Variants in MGAT4C observed in about 807,000 individuals in gnomAD.
The protein encoded by MGAT4C is alpha-1,3-mannosyl-glycoprotein 4-beta-N-acetylglucosaminyltransferase C.
Under a neutral mutation model 40.1 loss-of-function variants are expected in MGAT4C, and 19 were observed. That is an observed-to-expected ratio of 0.47 (90% confidence interval 0.33 to 0.70). The LOEUF (loss-of-function observed/expected upper bound fraction) is 0.70, where lower values mean the gene tolerates loss of function less well. Ranked by LOEUF, MGAT4C falls within the 30% of genes least tolerant of loss-of-function variation. The pLI is 0.02. For synonymous variants in MGAT4C, 181 were observed against 187.1 expected (o/e 0.97, Z 0.27); for missense variants, 491 against 563.2 (o/e 0.87, Z 1.30).
At chr12:86,674,018 C>T (rs1964328694) in intron 2 of MGAT4C, among the ~76,000 whole-genome samples, 1 of 152,026 alleles carries the variant, frequency 6.6e-6, no homozygotes, top group South Asian at 2.1e-4. Context: ...GCCTTTATTA[C>T]ATTTAAAGAA....
intron 1 of MGAT4C, among the ~76,000 whole-genome samples, chr12:86,729,748 G>A (rs1307797324): frequency 6.6e-6 from 1 of 151,988 alleles, no homozygotes; most frequent in Non-Finnish European, 1.5e-5. Context: ...AAAAAATGTT[G>A]TACAACACTT....
chr12:86,043,292 C>A (rs1592763364), intron 2 of MGAT4C, among the ~76,000 whole-genome samples: 1 of 152,134 alleles, frequency 6.6e-6, no homozygotes, highest in African/African-American at 2.4e-5. Context: ...AGCTGAGGAG[C>A]AAGTCAGTCC....
intron 3 of MGAT4C, among the ~76,000 whole-genome samples, chr12:86,356,911 C>A (rs1267713198): frequency 6.6e-6 from 1 of 152,174 alleles, no homozygotes; most frequent in African/African-American, 2.4e-5. Context: ...CATGGCTGAA[C>A]AAAAGGCAGC....
chr12:86,661,362 G>T (rs1272070429), intron 2 of MGAT4C, among the ~76,000 whole-genome samples: 1 of 151,624 alleles, frequency 6.6e-6, no homozygotes, highest in Non-Finnish European at 1.5e-5. Flanking sequence ...TTAAAGCAAT[G>T]AGATTTAAAG....
At chr12:86,488,709 C>T (rs1474674157) in intron 2 of MGAT4C, among the ~76,000 whole-genome samples, 1 of 152,118 alleles carries the variant, frequency 6.6e-6, no homozygotes, top group Non-Finnish European at 1.5e-5. Context: ...CACAACATTG[C>T]ACCCAAGAAC....
rs1037759320 is a variant in MGAT4C at position 86,662,625 on chromosome 12, A to G, written c.-229+64584T>C. Among the ~76,000 whole-genome samples the G allele has an allele frequency of 2.6e-5, 4 of 152,282 alleles. No individual in the cohort carries two copies. The South Asian group carries it at 8.3e-4, about 32-fold the overall frequency. ...TCAGATCCTCAAACCTCTAATATGT[A>G]AATGATAACAGGCTGCAACTTGTAG... On this transcript the variant is annotated intron_variant, in intron 2 of 7. Transcript: ENST00000548651.
rs756220458 is a variant in MGAT4C, at chr12:85,980,007, A to C, written c.719T>G (p.Val240Gly). Reference sequence around the variant, plus strand: ...GTAAGTTCCTTCTAGGGATGCAATGACTTTCTTGATGGCAGTTAAGAAATT... The same window carrying C: ...GTAAGTTCCTTCTAGGGATGCAATGCCTTTCTTGATGGCAGTTAAGAAATT... The part of the protein sequence containing the change: ...SKNFLTAIKK[V>G]IASLEGTYWV... Residue 240 changes from valine (V) to glycine (G), a missense_variant, in exon 5 of 5, where the codon GTC becomes GGC. Coordinates refer to ENST00000611864, the MANE Select transcript of MGAT4C (RefSeq NM_001351288.2). 6.2e-7 allele frequency: 1 copy of C among 1,613,708 alleles called. No individual in the cohort carries two copies. The highest frequency in any genetic ancestry group is 1.1e-5 in the South Asian group (1 of 91,084).
intron 2 of MGAT4C, among the ~76,000 whole-genome samples, chr12:86,676,050 C>T (rs1456923153): frequency 6.6e-6 from 1 of 151,448 alleles, no homozygotes; most frequent in Non-Finnish European, 1.5e-5. Context: ...CAGTTGTAAC[C>T]CATATGATAG....
Position 85,956,694 on chromosome 12 carries a change from A to G in MGAT4C, c.*22595T>C, listed in dbSNP as rs1348049010. On this transcript the variant is annotated 3_prime_UTR_variant, in exon 5 of 5. Coordinates refer to ENST00000611864, the MANE Select transcript of MGAT4C (RefSeq NM_001351288.2). The stretch of plus-strand genomic sequence containing the variant: ...ACCCAAGCTACAGTGGGAAAACCAC[A>G]TAATTAGTCAATAAATCATGAGCCC... The G allele has an allele frequency of 6.6e-6, 1 of 152,224 alleles. No homozygotes were observed. The highest frequency in any genetic ancestry group is 1.5e-5 in the Non-Finnish European group (1 of 68,026). 9.4% of individuals were successfully genotyped at this position (152,224 alleles called of 1,614,324 possible).
chr12:86,715,888 A>C, intron 2 of MGAT4C, among the ~76,000 whole-genome samples: 1 of 152,170 alleles, frequency 6.6e-6, no homozygotes, highest in East Asian at 1.9e-4. Flanking sequence ...CAAATCAAGT[A>C]GTTTTGTTGT....
intron 3 of MGAT4C, among the ~76,000 whole-genome samples, chr12:86,414,746 G>A (rs1238240857): frequency 6.6e-6 from 1 of 152,090 alleles, no homozygotes; most frequent in African/African-American, 2.4e-5. Flanking sequence ...TTGTTACAGG[G>A]CTGTTTCATT....
At chr12:86,082,220 A>C (rs11117184) in intron 1 of MGAT4C, among the ~76,000 whole-genome samples, 38,656 of 152,074 alleles carry the variant, frequency 0.25, 6,212 homozygotes, top group South Asian at 0.41. Context: ...CAATGCCATT[A>C]AACAGTCTAG....
chr12:86,183,333 A>C (rs1424423756), intron 1 of MGAT4C, among the ~76,000 whole-genome samples: 1 of 152,186 alleles, frequency 6.6e-6, no homozygotes, highest in Non-Finnish European at 1.5e-5. Context: ...AGAACTGAGG[A>C]CTGGCTCTGC....
At chr12:86,694,675 AT>A (rs1485483468) in intron 2 of MGAT4C, among the ~76,000 whole-genome samples, 2 of 152,212 alleles carry the variant, frequency 1.3e-5, no homozygotes, top group Non-Finnish European at 2.9e-5. Context: ...TATCAAGGTT[AT>A]TTATACATCA....
intron 2 of MGAT4C, among the ~76,000 whole-genome samples, chr12:86,505,883 A>G (rs1286957603): frequency 6.6e-6 from 1 of 152,134 alleles, no homozygotes; most frequent in Admixed American, 6.6e-5. Flanking sequence ...AATGGCCCAA[A>G]ATAGGGCCCT....
intron 1 of MGAT4C, among the ~76,000 whole-genome samples, chr12:86,064,563 C>T (rs942707187): frequency 2.0e-5 from 3 of 152,068 alleles, no homozygotes; most frequent in African/African-American, 7.2e-5. Flanking sequence ...ACATTTAAAA[C>T]AGCATATAGA....
intron 2 of MGAT4C, among the ~76,000 whole-genome samples, chr12:86,536,810 C>A (rs1045940269): frequency 6.6e-6 from 1 of 152,132 alleles, no homozygotes; most frequent in Admixed American, 6.5e-5. Flanking sequence ...GTCAGTGTGG[C>A]GATTCCTCAG....
At position 85,966,420 on chromosome 12, in the gene MGAT4C, C is replaced by T. The variant is rs1004524590; in HGVS notation, c.*12869G>A. ...TATTTAATCAAAGTTGTCTCTTTATCATTTGCCAGTGAAAATATAAAACCT... is the reference window on the plus strand; with the variant it reads ...TATTTAATCAAAGTTGTCTCTTTATTATTTGCCAGTGAAAATATAAAACCT... On this transcript the variant is annotated 3_prime_UTR_variant, in exon 5 of 5. Transcript: ENST00000611864. The T allele has an allele frequency of 3.9e-5, 6 of 152,072 alleles. No individual in the cohort carries two copies. Among genetic ancestry groups the T allele is most frequent in the African/African-American group, 1.2e-4 (5 of 41,410 alleles). The allele number at this position is 152,072 out of a possible 1,614,324, so 9.4% of individuals were successfully genotyped here. A position where few individuals can be genotyped will look rare whatever the true frequency, so the allele number is the denominator to read the frequency against.
chr12:86,325,685 C>G (rs1239287902), intron 4 of MGAT4C, among the ~76,000 whole-genome samples: 1 of 152,090 alleles, frequency 6.6e-6, no homozygotes, highest in Non-Finnish European at 1.5e-5. Context: ...CAAGACCAGC[C>G]TGGGCAATAT....
Sources: allele counts gnomAD v4.1 joint callset (sites outside exome capture counted in the v4.1 genomes callset), GRCh38; gene constraint gnomAD v4.1.1; transcripts MANE v1.5; gene names NCBI Gene and HGNC (gene_info 2026-07-23, HGNC 2026-07-21).